KIF14: variants seen among roughly 807,000 people sequenced by gnomAD.
KIF14 encodes kinesin-like protein KIF14.
KIF14 carries 98 observed loss-of-function variants against 176.2 expected under a neutral mutation model. The observed-to-expected ratio is 0.56, with a 90% CI of 0.47 to 0.66. The LOEUF is 0.66. KIF14 is among the 30% of genes least tolerant of loss of function. The pLI is 0.00. For synonymous variants in KIF14, 566 were observed against 632.2 expected (o/e 0.90, Z 1.57); for missense variants, 1,751 against 1,920.4 (o/e 0.91, Z 1.65).
intron 21 of KIF14, among the ~76,000 whole-genome samples, chr1:200,578,819 T>C (rs142274810): frequency 3.0e-4 from 45 of 152,282 alleles, no homozygotes; most frequent in East Asian, 1.5e-3. Context: ...CAGCCAGGCG[T>C]GGTGGCTCAC....
Position 200,559,466 on chromosome 1 carries a change from T to C in KIF14, c.4231-14A>G, listed in dbSNP as rs146996720. 1,507 of 1,449,482 alleles carry C rather than the reference T, an allele frequency of 1.0e-3. 4 individuals are homozygous for C. Among genetic ancestry groups the C allele is most frequent in the Middle Eastern group, 8.1e-3 (44 of 5,440 alleles). The allele number at this position is 1,449,482 out of a possible 1,614,324, so 89.8% of individuals were successfully genotyped here. On this transcript the variant is annotated splice_polypyrimidine_tract_variant and intron_variant, in intron 26 of 29. Transcript: ENST00000367350. ...CATGAATTCCTCCTAGAAAAAGAAT[T>C]TAAGCATTAACTAGAAAATTTAGGT... is the stretch of plus-strand genomic sequence containing the variant.
intron 25 of KIF14, among the ~76,000 whole-genome samples, chr1:200,564,747 A>G (rs976752411): frequency 1.3e-5 from 2 of 152,192 alleles, no homozygotes; most frequent in Non-Finnish European, 2.9e-5. Context: ...TAGTTAGGTA[A>G]CATTGGATGG....
At chr1:200,595,900 C>T (rs1411629993) in intron 14 of KIF14, among the ~76,000 whole-genome samples, 3 of 147,330 alleles carry the variant, frequency 2.0e-5, no homozygotes, top group Admixed American at 6.9e-5. Flanking sequence ...CTACTGCACT[C>T]CAGCCTGGGT....
chr1:200,602,750 C>A (rs1008245296), intron 10 of KIF14, among the ~76,000 whole-genome samples: 1 of 152,250 alleles, frequency 6.6e-6, no homozygotes, highest in East Asian at 1.9e-4. Flanking sequence ...ATTAAATATA[C>A]ATTCACTAAT....
At chr1:200,612,793 A>C (rs1660218441) in intron 4 of KIF14, among the ~76,000 whole-genome samples, 1 of 151,098 alleles carries the variant, frequency 6.6e-6, no homozygotes. Context: ...CTCATCCTCC[A>C]TTTCCAATAA....
chr1:200,569,411 A>T (rs768619083), intron 23 of KIF14, among the ~76,000 whole-genome samples: 2 of 152,160 alleles, frequency 1.3e-5, no homozygotes, highest in Non-Finnish European at 2.9e-5. Flanking sequence ...TACACAGATC[A>T]TTATGCAAAA....
intron 19 of KIF14, among the ~76,000 whole-genome samples, chr1:200,584,173 G>T (rs950683437): frequency 5.5e-5 from 8 of 145,742 alleles, no homozygotes; most frequent in African/African-American, 2.0e-4. Flanking sequence ...AGCTGAGATC[G>T]TGCCACCATA....
chr1:200,574,519 C>A (rs1384394669), intron 22 of KIF14, among the ~76,000 whole-genome samples: 3 of 152,198 alleles, frequency 2.0e-5, no homozygotes, highest in South Asian at 4.1e-4. Context: ...AGGTTTTTAT[C>A]AACTGCTCCT....
At chr1:200,600,628 G>T in intron 11 of KIF14, 125 bp from the exon 12 acceptor site, 1 of 660,886 alleles carries the variant, frequency 1.5e-6, no homozygotes, top group Non-Finnish European at 2.5e-6. Flanking sequence ...AAATAAAATA[G>T]AATATTGGAG....
intron 23 of KIF14, among the ~76,000 whole-genome samples, chr1:200,569,446 A>G (rs1657659421): frequency 6.6e-6 from 1 of 152,186 alleles, no homozygotes; most frequent in Admixed American, 6.5e-5. Context: ...AAGGGGATGC[A>G]GTGAAAAGGG....
rs772169875 is a variant in KIF14, at chr1:200,555,386, C to T, written c.4422G>A (p.Ser1474=). The T allele has an allele frequency of 6.4e-6, 10 of 1,563,048 alleles. No individual in the cohort carries two copies. The highest frequency in any genetic ancestry group is 6.9e-6 in the Non-Finnish European group (8 of 1,151,270). ...AATTTAAAGCTTCTCTTACAATTTTCGATTCAGCAAAGATGTTTTCAAGAG... is the reference window on the plus strand; with the variant it reads ...AATTTAAAGCTTCTCTTACAATTTTTGATTCAGCAAAGATGTTTTCAAGAG... ...IRSLENIFAE[S]KIKSFRRQVQ... The change falls in exon 28 of 30, where the codon TCG becomes TCA. Residue 1474 remains serine, a synonymous_variant. Transcript: ENST00000367350.
rs949610496 is a variant in KIF14, at chr1:200,589,315, G to A, written c.3016C>T (p.His1006Tyr). ...GCCTTTTCTAATTCCTCAATTTTGT[G>A]ATTAGCCTTCTGGTTATTTATTTCC... ...MQEINNQKANHKIEELEKAKQ... is the reference protein window; with the variant it reads ...MQEINNQKANYKIEELEKAKQ... The change falls in exon 18 of 30, where the codon CAC becomes TAC. Residue 1006 changes from histidine (H) to tyrosine (Y), a missense_variant. By Grantham distance (83) the His-to-Tyr change is moderately conservative. Coordinates refer to ENST00000367350, the MANE Select transcript of KIF14 (RefSeq NM_014875.3). The A allele has an allele frequency of 1.9e-6, 3 of 1,610,272 alleles. No individual in the cohort carries two copies. Among genetic ancestry groups the A allele is most frequent in the Admixed American group, 3.3e-5 (2 of 59,942 alleles).
chr1:200,593,403 C>A (rs1404388604), intron 15 of KIF14, among the ~76,000 whole-genome samples: 1 of 152,170 alleles, frequency 6.6e-6, no homozygotes, highest in Non-Finnish European at 1.5e-5. Context: ...GGATTTCAAC[C>A]CTGTCTGTCT....
At position 200,601,884 on chromosome 1, in the gene KIF14, G is replaced by C; in HGVS notation, c.2152+12C>G. 2 of 1,585,672 alleles carry C rather than the reference G, an allele frequency of 1.3e-6. No individual in the cohort carries two copies. The highest frequency in any genetic ancestry group is 1.7e-6 in the Non-Finnish European group (2 of 1,163,622). ...TGGCAAAACAATTTTTAAATTCTGA[G>C]AAAATATTCACCTCTAATTAACTTA... On this transcript the variant is annotated intron_variant, in intron 11 of 29. Coordinates refer to ENST00000367350, the MANE Select transcript of KIF14 (RefSeq NM_014875.3).
At chr1:200,617,431 A>G (rs1660456115) in intron 2 of KIF14, among the ~76,000 whole-genome samples, 181 bp downstream of exon 2, 1 of 152,254 alleles carries the variant, frequency 6.6e-6, no homozygotes, top group Admixed American at 6.5e-5. Context: ...TTTTAATTTT[A>G]TAGTCAGTGA....
At chr1:200,561,945 C>A (rs1657185379) in intron 25 of KIF14, among the ~76,000 whole-genome samples, 1 of 152,082 alleles carries the variant, frequency 6.6e-6, no homozygotes, top group South Asian at 2.1e-4. Context: ...GGAAAAAACC[C>A]CAAACACCTT....
At chr1:200,586,412 GATA>G (rs1658740021) in intron 18 of KIF14, among the ~76,000 whole-genome samples, 185 bp from the exon 19 acceptor site, 1 of 151,918 alleles carries the variant, frequency 6.6e-6, no homozygotes, top group African/African-American at 2.4e-5. Context: ...AAAACAGATT[GATA>G]ATGATAACAC....
chr1:200,599,102 A>C (rs553558657), intron 13 of KIF14, among the ~76,000 whole-genome samples: 6 of 152,192 alleles, frequency 3.9e-5, no homozygotes, highest in Non-Finnish European at 8.8e-5. Context: ...GATCACCGTC[A>C]ACAGCTTCTG....
chr1:200,563,984 G>A (rs771710465), intron 25 of KIF14, among the ~76,000 whole-genome samples: 5 of 152,084 alleles, frequency 3.3e-5, no homozygotes, highest in Admixed American at 6.5e-5. Flanking sequence ...AACTTCAGCC[G>A]GGCGCAGTGG....
Sources: allele counts gnomAD v4.1 joint callset (sites outside exome capture counted in the v4.1 genomes callset), GRCh38; gene constraint gnomAD v4.1.1; transcripts MANE v1.5; gene names NCBI Gene and HGNC (gene_info 2026-07-23, HGNC 2026-07-21).